Variants in FGF14 observed in about 807,000 individuals in gnomAD.
The protein encoded by FGF14 is fibroblast growth factor homologous factor 4.
A neutral mutation model predicts 25.5 loss-of-function variants in FGF14; 5 were observed. That is an observed-to-expected ratio of 0.20 (90% CI 0.10 to 0.41). FGF14 has a LOEUF of 0.41. Among genes scored for constraint, FGF14 ranks in the 10% least tolerant of loss-of-function variants. FGF14 has a pLI of 1.00. For missense variants in FGF14, 222 were observed against 320.1 expected (o/e 0.69, Z 2.34); for synonymous variants, 138 against 118.3 (o/e 1.17, Z -1.08).
rs573198645 is a variant in FGF14 at position 101,766,211 on chromosome 13, T to A, written c.409-39401A>T. 3.3e-5 allele frequency among the ~76,000 whole-genome samples: 5 copies of A among 152,350 alleles called. No individual in the cohort carries two copies. The South Asian group carries it at 1.0e-3, about 32-fold the overall frequency. ...ATTTGATGTGAGTATGAAATGCCAA[T>A]ATTTTAAAAAATGAATTGCATAGTT... On this transcript the variant is annotated intron_variant, in intron 3 of 4. Coordinates refer to ENST00000376143, the MANE Select transcript of FGF14 (RefSeq NM_004115.4).
At chr13:102,300,821 G>A (rs1444515347) in intron 1 of FGF14, among the ~76,000 whole-genome samples, 3 of 151,722 alleles carry the variant, frequency 2.0e-5, no homozygotes, top group Non-Finnish European at 4.4e-5. Context: ...CACATGAGAG[G>A]ATTTTCAGGG....
At chr13:102,229,904 A>G (rs2140988119) in intron 1 of FGF14, among the ~76,000 whole-genome samples, 1 of 152,272 alleles carries the variant, frequency 6.6e-6, no homozygotes, top group Non-Finnish European at 1.5e-5. Context: ...GCTTCCTCAA[A>G]CTGAACAGCC....
chr13:102,365,360 A>G (rs1386088756), intron 1 of FGF14, among the ~76,000 whole-genome samples: 4 of 152,078 alleles, frequency 2.6e-5, no homozygotes. Context: ...CCAGATTCCA[A>G]TTTTGGCTTT....
At chr13:101,991,584 C>T (rs1404836737) in intron 1 of FGF14, among the ~76,000 whole-genome samples, 2 of 152,044 alleles carry the variant, frequency 1.3e-5, no homozygotes, top group South Asian at 2.1e-4. Context: ...AACAACACTG[C>T]TTAGATCTAT....
At chr13:102,180,767 C>G (rs1428995474) in intron 1 of FGF14, among the ~76,000 whole-genome samples, 4 of 152,068 alleles carry the variant, frequency 2.6e-5, no homozygotes, top group Non-Finnish European at 5.9e-5. Flanking sequence ...ACATATTACC[C>G]TGGAGAAATA....
chr13:101,875,131 G>A (rs2045323958), intron 2 of FGF14, 55 bp downstream of exon 2: 1 of 1,147,274 alleles, frequency 8.7e-7, no homozygotes, highest in South Asian at 1.2e-5. Context: ...AGTCATTTAA[G>A]TAGCAGTGTA....
intron 1 of FGF14, among the ~76,000 whole-genome samples, chr13:102,333,415 T>G (rs570242224): frequency 3.3e-5 from 5 of 152,268 alleles, no homozygotes; most frequent in African/African-American, 1.2e-4. Context: ...CAGGGTCAAC[T>G]TGTTATTTGA....
At chr13:102,141,318 A>G (rs1207796080) in intron 1 of FGF14, among the ~76,000 whole-genome samples, 1 of 152,216 alleles carries the variant, frequency 6.6e-6, no homozygotes, top group East Asian at 1.9e-4. Flanking sequence ...CATGAGTTCA[A>G]GAGCCATTTC....
intron 1 of FGF14, among the ~76,000 whole-genome samples, chr13:101,932,533 CA>C (rs60522790): frequency 2.2e-3 from 176 of 79,010 alleles, no homozygotes; most frequent in Non-Finnish European, 2.8e-3. Flanking sequence ...GACTCCATGT[CA>C]AAAAAAAAAA....
chr13:102,364,169 G>T (rs1054839437), intron 1 of FGF14, among the ~76,000 whole-genome samples: 2 of 152,224 alleles, frequency 1.3e-5, no homozygotes, highest in African/African-American at 4.8e-5. Context: ...AATTTCAACA[G>T]GACAAATGTG....
Position 101,875,256 on chromosome 13 carries a change from C to A in FGF14, c.234G>T (p.Arg78Ser), listed in dbSNP as rs544949865. The change falls in exon 2 of 5, where the codon AGG becomes AGT. Residue 78 changes from arginine (R) to serine (S), a missense_variant. Around this residue, in one of 5 missense-constraint regions of FGF14, gnomAD observed 50 missense variants for 75.2 expected, o/e 0.66. Coordinates refer to ENST00000376143, the MANE Select transcript of FGF14 (RefSeq NM_004115.4). The stretch of plus-strand genomic sequence containing the variant: ...GGTGCATTTGCAAGTAGTAGCCTTG[C>A]CTGCAATATAACCTGGTCACTATAC... Reference protein sequence around the residue: ...LKGIVTRLYCRQGYYLQMHPD... With the variant: ...LKGIVTRLYCSQGYYLQMHPD... 1 of 1,613,382 alleles carries A rather than the reference C, an allele frequency of 6.2e-7. No individual in the cohort carries two copies. The highest frequency in any genetic ancestry group is 8.5e-7 in the Non-Finnish European group (1 of 1,179,514).
At chr13:101,940,178 C>T (rs1322715) in intron 1 of FGF14, among the ~76,000 whole-genome samples, 7,486 of 152,248 alleles carry the variant, frequency 0.049, 606 homozygotes, top group African/African-American at 0.17. Context: ...TACTGAGAAA[C>T]TCAAGGATCA....
intron 1 of FGF14, among the ~76,000 whole-genome samples, chr13:102,170,199 AAG>A (rs1389568232): frequency 6.6e-6 from 1 of 151,620 alleles, no homozygotes. Flanking sequence ...GGTATGTTAA[AAG>A]AGGAGGTAAG....
chr13:101,983,560 C>T (rs1240206157), intron 1 of FGF14, among the ~76,000 whole-genome samples: 2 of 152,148 alleles, frequency 1.3e-5, no homozygotes, highest in Non-Finnish European at 2.9e-5. Context: ...TTGGATCCTT[C>T]CACTAAGGTA....
intron 1 of FGF14, among the ~76,000 whole-genome samples, chr13:102,272,925 C>T (rs1356580552): frequency 2.6e-5 from 4 of 152,058 alleles, no homozygotes; most frequent in Admixed American, 6.6e-5. Context: ...TAGCTTCAAA[C>T]GTAGTTTAAT....
At chr13:101,828,274 A>G (rs947632893) in intron 3 of FGF14, among the ~76,000 whole-genome samples, 13 of 152,012 alleles carry the variant, frequency 8.6e-5, no homozygotes, top group Non-Finnish European at 1.6e-4. Flanking sequence ...TTTTGTCTAC[A>G]TGACTAAGTC....
At chr13:102,233,307 T>C (rs993866754) in intron 1 of FGF14, among the ~76,000 whole-genome samples, 1 of 152,090 alleles carries the variant, frequency 6.6e-6, no homozygotes, top group Non-Finnish European at 1.5e-5. Context: ...AATTTTTGTA[T>C]TTTTAGTAGA....
In FGF14 at chr13:101,726,738, A is replaced by G. The variant is rs77082831; in HGVS notation, c.481T>C (p.Leu161=). The G allele has an allele frequency of 2.5e-3, 4,073 of 1,613,190 alleles. 88 individuals are homozygous for G. The African/African-American group carries it at 0.045, about 18-fold the overall frequency. The change falls in exon 4 of 5, where the codon TTG becomes CTG. Residue 161 remains leucine, a synonymous_variant. Transcript: ENST00000376143. Reference sequence around the variant, plus strand: ...CTACCAGATTCCTGTTGTCTGTACAACATGGATGAGTAGATTACATAATAA... The same window carrying G: ...CTACCAGATTCCTGTTGTCTGTACAGCATGGATGAGTAGATTACATAATAA... The part of the protein sequence containing the change: ...ENYYVIYSSM[L]YRQQESGRAW...
chr13:102,114,666 T>A (rs1399445394), intron 1 of FGF14, among the ~76,000 whole-genome samples: 1 of 152,218 alleles, frequency 6.6e-6, no homozygotes, highest in Non-Finnish European at 1.5e-5. Context: ...AAGAAAATCC[T>A]CTGATATGTG....
Sources: allele counts gnomAD v4.1 joint callset (sites outside exome capture counted in the v4.1 genomes callset), GRCh38; gene constraint gnomAD v4.1.1; regional missense constraint gnomAD v4.1.1; transcripts MANE v1.5; gene names NCBI Gene and HGNC (gene_info 2026-07-23, HGNC 2026-07-21).